BBX: variants seen among roughly 807,000 people sequenced by gnomAD.
The protein encoded by BBX is BBX high mobility group box domain containing.
Under a neutral mutation model 100.2 loss-of-function variants are expected in BBX, and 30 were observed. That is an observed-to-expected ratio of 0.30 (90% CI 0.22 to 0.41). BBX has a LOEUF of 0.41. BBX is among the 10% of genes least tolerant of loss of function. The probability of loss-of-function intolerance (pLI) is 1.00; values close to 1 mark genes in which losing one functional copy is unlikely to be tolerated. For synonymous variants in BBX, 376 were observed against 388.1 expected, an observed-to-expected ratio of 0.97 and a Z score of 0.37; for missense variants, 1,023 against 1,129.8, an observed-to-expected ratio of 0.91 and a Z score of 1.35.
chr3:107,573,233 A>C (rs554001324), intron 2 of BBX, among the ~76,000 whole-genome samples: 10 of 152,182 alleles, frequency 6.6e-5, no homozygotes, highest in Non-Finnish European at 1.0e-4. Flanking sequence ...CTCTTTGTAT[A>C]AACTCAAAAT....
chr3:107,658,560 C>T (rs1002441326), intron 3 of BBX, among the ~76,000 whole-genome samples: 1 of 152,272 alleles, frequency 6.6e-6, no homozygotes, highest in Non-Finnish European at 1.5e-5. Context: ...GGGCCAACTG[C>T]ATATGCAGTT....
intron 2 of BBX, among the ~76,000 whole-genome samples, chr3:107,622,244 C>T (rs1206164170): frequency 6.6e-6 from 1 of 152,196 alleles, no homozygotes; most frequent in Non-Finnish European, 1.5e-5. Flanking sequence ...GCTTGAGGTT[C>T]ATCCACATTG....
At chr3:107,764,203 G>A (rs968689976) in intron 10 of BBX, among the ~76,000 whole-genome samples, 1 of 152,074 alleles carries the variant, frequency 6.6e-6, no homozygotes, top group Non-Finnish European at 1.5e-5. Flanking sequence ...TGTTAGTCAG[G>A]CTGGTCTCGA....
rs780800069 is a variant in BBX at position 107,778,532 on chromosome 3, C to A, written c.2203+13C>A. On this transcript the variant is annotated intron_variant, in intron 13 of 17. Transcript: ENST00000325805. ...AAAACCAGCAAAGGTTAGGTGTGAC[C>A]TGTACCTTCCTGCCATGTGGTCAGA... 1 of 1,610,548 alleles carries A rather than the reference C, an allele frequency of 6.2e-7. No homozygotes were observed. Among genetic ancestry groups the A allele is most frequent in the Admixed American group, 1.7e-5 (1 of 59,458 alleles).
rs560882904 is a variant in BBX at position 107,552,371 on chromosome 3, AAAG to A, written c.-84+25974_-84+25976del. 5.2e-3 allele frequency among the ~76,000 whole-genome samples: 639 copies of A among 123,428 alleles called. 41 individuals are homozygous for A. The highest frequency in any genetic ancestry group is 0.015 in the African/African-American group (500 of 33,562). The allele number at this position is 123,428 out of a possible 152,430, so 81.0% of individuals were successfully genotyped here. A position where few individuals can be genotyped will look rare whatever the true frequency, so the allele number is the denominator to read the frequency against. On this transcript the variant is annotated intron_variant, in intron 2 of 17. Transcript: ENST00000325805. ...TTAAAAAAAAAAAAAAAAAAAAAAA[AAAG>A]GGATTGCTCTTGGACTTGGTCTGAT...
intron 2 of BBX, among the ~76,000 whole-genome samples, chr3:107,579,222 A>G (rs978886382): frequency 2.6e-5 from 4 of 152,290 alleles, no homozygotes; most frequent in African/African-American, 7.2e-5. Flanking sequence ...TTCAAAATCT[A>G]TGTCAGAAGA....
intron 15 of BBX, among the ~76,000 whole-genome samples, chr3:107,796,253 C>T (rs1291055947): frequency 1.3e-5 from 2 of 152,240 alleles, no homozygotes; most frequent in Non-Finnish European, 2.9e-5. Context: ...TCCCAACCGA[C>T]TTGGCCTTTT....
chr3:107,608,639 G>A (rs537377171), intron 2 of BBX, among the ~76,000 whole-genome samples: 83 of 152,214 alleles, frequency 5.5e-4, no homozygotes, highest in African/African-American at 1.5e-3. Flanking sequence ...TATTCAATCC[G>A]TAGATTGCTT....
intron 3 of BBX, among the ~76,000 whole-genome samples, chr3:107,674,291 G>A (rs2059173420): frequency 6.6e-6 from 1 of 152,134 alleles, no homozygotes; most frequent in Admixed American, 6.6e-5. Flanking sequence ...AGCCAGAAAG[G>A]TGTGTCTGAA....
chr3:107,589,078 T>G (rs1031236341), intron 2 of BBX, among the ~76,000 whole-genome samples: 1 of 152,164 alleles, frequency 6.6e-6, no homozygotes, highest in Non-Finnish European at 1.5e-5. Flanking sequence ...CCATTTGACC[T>G]TTTTTACACA....
intron 10 of BBX, among the ~76,000 whole-genome samples, chr3:107,769,010 C>CG (rs35063548): frequency 2.6e-4 from 33 of 125,102 alleles, no homozygotes; most frequent in African/African-American, 5.1e-4. Context: ...TGGGGGGCGG[C>CG]GGGGGGGGGG....
chr3:107,699,380 A>G (rs1576399852), intron 3 of BBX, among the ~76,000 whole-genome samples: 1 of 151,904 alleles, frequency 6.6e-6, no homozygotes, highest in East Asian at 1.9e-4. Context: ...GAGCAAAGAA[A>G]CATCAGCTGT....
intron 2 of BBX, among the ~76,000 whole-genome samples, chr3:107,630,264 T>A (rs2056463733): frequency 6.6e-6 from 1 of 152,214 alleles, no homozygotes; most frequent in Admixed American, 6.5e-5. Flanking sequence ...TGTTTTGTAG[T>A]CTAGCTTGAG....
intron 2 of BBX, among the ~76,000 whole-genome samples, chr3:107,631,739 A>G (rs978990618): frequency 6.6e-6 from 1 of 152,126 alleles, no homozygotes; most frequent in Non-Finnish European, 1.5e-5. Context: ...AATTTTCCTT[A>G]GCTACGGAAG....
intron 10 of BBX, among the ~76,000 whole-genome samples, chr3:107,766,776 G>C (rs902654572): frequency 2.0e-5 from 3 of 152,066 alleles, no homozygotes; most frequent in African/African-American, 7.2e-5. Flanking sequence ...TTGCAGCACT[G>C]TTCACAATAG....
At chr3:107,584,128 ATTATTATATATATTATATATAATATATG>A (rs1559840336) in intron 2 of BBX, among the ~76,000 whole-genome samples, 7,239 of 29,354 alleles carry the variant, frequency 0.25, 1,611 homozygotes, top group Middle Eastern at 0.4. Context: ...TAATATATAT[ATTATTATATATATTATATATAATATATG>A]ATATATATAT....
chr3:107,531,373 T>G (rs1308901588), intron 2 of BBX, among the ~76,000 whole-genome samples: 1 of 152,142 alleles, frequency 6.6e-6, no homozygotes, highest in Non-Finnish European at 1.5e-5. Flanking sequence ...GCATGTTACC[T>G]CACATCCCTT....
chr3:107,584,672 C>T (rs13070204), intron 2 of BBX, among the ~76,000 whole-genome samples: 238 of 28,236 alleles, frequency 8.4e-3, no homozygotes, highest in South Asian at 0.054. Context: ...CCGTTGAAAT[C>T]TTTTTTTTTT....
intron 2 of BBX, among the ~76,000 whole-genome samples, chr3:107,616,510 A>G (rs1260278199): frequency 6.6e-6 from 1 of 152,136 alleles, no homozygotes; most frequent in African/African-American, 2.4e-5. Context: ...GCAGTATATG[A>G]ATGATCCAGT....
Sources: allele counts gnomAD v4.1 joint callset (sites outside exome capture counted in the v4.1 genomes callset), GRCh38; gene constraint gnomAD v4.1.1; transcripts MANE v1.5; gene names NCBI Gene and HGNC (gene_info 2026-07-23, HGNC 2026-07-21).